The following CACNA2D2 variants were observed in gnomAD, a reference collection of about 807,000 sequenced individuals.
CACNA2D2 encodes the protein voltage-dependent calcium channel subunit alpha-2/delta-2.
Under a neutral mutation model 166.4 loss-of-function variants are expected in CACNA2D2, and 48 were observed. The ratio of observed to expected loss-of-function variants is 0.29; its 90% CI spans 0.23 to 0.37. The LOEUF (loss-of-function observed/expected upper bound fraction) is 0.37. Ranked by LOEUF, CACNA2D2 falls within the 10% of genes least tolerant of loss-of-function variation. The pLI is 1.00. For synonymous variants in CACNA2D2, 561 were observed against 573.7 expected, an observed-to-expected ratio of 0.98 and a Z score of 0.32; for missense variants, 1,122 against 1,433.0, an observed-to-expected ratio of 0.78 and a Z score of 3.50.
Position 50,365,932 on chromosome 3 carries a change from A to G in CACNA2D2, c.2863-70T>C, listed in dbSNP as rs1241439759. ...CCTAGGTCACCCCCAGCTTTATCAA[A>G]TGTCAGAGGTAGGGGGTCATCTGTG... is the stretch of plus-strand genomic sequence containing the variant. On this transcript the variant is annotated intron_variant, in intron 32 of 37. Coordinates refer to ENST00000424201, the MANE Select transcript of CACNA2D2 (RefSeq NM_006030.4). This position sits in a 1 kb window ranked among gnomAD's most constrained non-coding sequence, Gnocchi z 4.5. 1.2e-6 allele frequency: 2 copies of G among 1,611,840 alleles called. No individual in the cohort carries two copies. Among genetic ancestry groups the G allele is most frequent in the South Asian group, 1.1e-5 (1 of 91,026 alleles).
intron 2 of CACNA2D2, among the ~76,000 whole-genome samples, chr3:50,453,980 G>A (rs1017818304): frequency 2.6e-5 from 4 of 152,128 alleles, no homozygotes; most frequent in Admixed American, 6.5e-5. Flanking sequence ...CCCGCCTCAC[G>A]GAGCCCCATC....
At chr3:50,438,201 T>C (rs1471477415) in intron 2 of CACNA2D2, among the ~76,000 whole-genome samples, 1 of 152,172 alleles carries the variant, frequency 6.6e-6, no homozygotes, top group Non-Finnish European at 1.5e-5. Context: ...AGCCCCTTGT[T>C]CCCAGGAATT....
intron 4 of CACNA2D2, among the ~76,000 whole-genome samples, chr3:50,388,222 C>A (rs1195915828): frequency 6.6e-6 from 1 of 152,222 alleles, no homozygotes; most frequent in Non-Finnish European, 1.5e-5. Context: ...TCTTGGCCAT[C>A]TGTGCGTCAT....
At chr3:50,440,643 G>A (rs1708545287) in intron 2 of CACNA2D2, among the ~76,000 whole-genome samples, 2 of 152,236 alleles carry the variant, frequency 1.3e-5, no homozygotes, top group South Asian at 4.1e-4. Context: ...CAGTGTGGGA[G>A]CAGAGAGGAG....
At chr3:50,420,899 G>C (rs1328164651) in intron 3 of CACNA2D2, among the ~76,000 whole-genome samples, 1 of 152,206 alleles carries the variant, frequency 6.6e-6, no homozygotes. Context: ...AGGCCACTTA[G>C]TATCTCATTA....
At chr3:50,392,663 C>T (rs113512159) in intron 4 of CACNA2D2, among the ~76,000 whole-genome samples, 39 of 152,220 alleles carry the variant, frequency 2.6e-4, no homozygotes, top group Non-Finnish European at 4.1e-4. Context: ...ATGCCATCAG[C>T]GGCTTGGCAC....
chr3:50,424,516 A>T (rs1575665698), intron 3 of CACNA2D2, among the ~76,000 whole-genome samples: 1 of 151,994 alleles, frequency 6.6e-6, no homozygotes, highest in Admixed American at 6.5e-5. Context: ...GCCTAGCTAA[A>T]TCCTCCCTCC....
Position 50,427,717 on chromosome 3 carries a change from C to T in CACNA2D2, c.405+6596G>A, listed in dbSNP as rs1278238703. On this transcript the variant is annotated intron_variant, in intron 3 of 37. Transcript: ENST00000424201. The surrounding 1 kb of genome is among the most constrained non-coding windows in gnomAD (Gnocchi z 4.7). ...AGCTTCCCTAGTGTGGAGTCAGATC[C>T]CAGAGGCTGAGCCCCAGCCACAACC... Among the ~76,000 whole-genome samples, 1 of 152,224 alleles carries T rather than the reference C, an allele frequency of 6.6e-6. No homozygotes were observed. The highest frequency in any genetic ancestry group is 1.5e-5 in the Non-Finnish European group (1 of 68,050).
In CACNA2D2 at chr3:50,375,893, G is replaced by A. The variant is rs1181570227; in HGVS notation, c.1774-13C>T. ...TGCTCCGACGGATCTGGAAGGGCCA[G>A]AGATGTGAGGGGCAGGGCCCCTACA... On this transcript the variant is annotated splice_polypyrimidine_tract_variant and intron_variant, in intron 19 of 37. Coordinates refer to ENST00000424201, the MANE Select transcript of CACNA2D2 (RefSeq NM_006030.4). This position sits in a 1 kb window ranked among gnomAD's most constrained non-coding sequence, Gnocchi z 4.0. 1 of 1,612,910 alleles carries A rather than the reference G, an allele frequency of 6.2e-7. No homozygotes were observed. The highest frequency in any genetic ancestry group is 8.5e-7 in the Non-Finnish European group (1 of 1,179,932).
At chr3:50,426,181 G>C (rs1356324392) in intron 3 of CACNA2D2, among the ~76,000 whole-genome samples, 1 of 152,240 alleles carries the variant, frequency 6.6e-6, no homozygotes, top group Non-Finnish European at 1.5e-5. Context: ...CCCAGGCAGT[G>C]ACCAGGGTTG....
chr3:50,441,622 A>G (rs1708604571), intron 2 of CACNA2D2, among the ~76,000 whole-genome samples: 1 of 152,264 alleles, frequency 6.6e-6, no homozygotes, highest in African/African-American at 2.4e-5. Context: ...CCCACCAGAG[A>G]CACTGGGCAT....
At chr3:50,403,130 C>G (rs1251813474) in intron 3 of CACNA2D2, among the ~76,000 whole-genome samples, 2 of 152,232 alleles carry the variant, frequency 1.3e-5, no homozygotes, top group Non-Finnish European at 2.9e-5. Flanking sequence ...GCCCTCACCT[C>G]TCTGTACCTT....
Position 50,462,429 on chromosome 3 carries a change from T to TG in CACNA2D2, c.288+13688_288+13689insC, listed in dbSNP as rs1388755650. Among the ~76,000 whole-genome samples, 529 of 147,584 alleles carry TG rather than the reference T, an allele frequency of 3.6e-3. 6 individuals are homozygous for TG. The East Asian group carries it at 0.041, about 11-fold the overall frequency. On this transcript the variant is annotated intron_variant, in intron 2 of 37. Coordinates refer to ENST00000424201, the MANE Select transcript of CACNA2D2 (RefSeq NM_006030.4). ...ATAATAATAATAATAATAATAATAATAATGATAATAATAATAAAACTAACA... is the reference window on the plus strand; with the variant it reads ...ATAATAATAATAATAATAATAATAATGAATGATAATAATAATAAAACTAACA...
chr3:50,404,174 AGAG>A (rs989641154), intron 3 of CACNA2D2, among the ~76,000 whole-genome samples: 1 of 152,312 alleles, frequency 6.6e-6, no homozygotes, highest in Non-Finnish European at 1.5e-5. Flanking sequence ...TACTGATGAC[AGAG>A]AATAGGGATC....
chr3:50,384,324 C>A lies in CACNA2D2; in HGVS notation c.524G>T (p.Ser175Ile). The change falls in exon 6 of 38, where the codon AGT becomes ATT. Residue 175 changes from serine to isoleucine, a missense_variant. Coordinates refer to ENST00000424201, the MANE Select transcript of CACNA2D2 (RefSeq NM_006030.4). Reference protein sequence around the residue: ...KADAELDDPESEDVERGSKAS... With the variant: ...KADAELDDPEIEDVERGSKAS... Reference sequence around the variant, plus strand: ...CTTAGACCCCCTTTCCACATCCTCACTCTCAGGGTCGTCCTGCAGAAAGGG... The same window carrying A: ...CTTAGACCCCCTTTCCACATCCTCAATCTCAGGGTCGTCCTGCAGAAAGGG... 1 of 1,613,564 alleles carries A rather than the reference C, an allele frequency of 6.2e-7. No individual in the cohort carries two copies. The highest frequency in any genetic ancestry group is 2.2e-5 in the East Asian group (1 of 44,882).
chr3:50,494,128 G>A (rs1274998413), intron 1 of CACNA2D2, among the ~76,000 whole-genome samples: 2 of 152,160 alleles, frequency 1.3e-5, no homozygotes, highest in Non-Finnish European at 2.9e-5. Context: ...GACTCCCAGG[G>A]CCCTAACACA....
intron 3 of CACNA2D2, among the ~76,000 whole-genome samples, chr3:50,396,316 C>T (rs116501501): frequency 7.0e-4 from 107 of 152,308 alleles, no homozygotes; most frequent in African/African-American, 2.5e-3. Flanking sequence ...TGCATCCTCT[C>T]ATCCTCATCA....
At chr3:50,487,832 A>G (rs1310492168) in intron 1 of CACNA2D2, among the ~76,000 whole-genome samples, 1 of 151,932 alleles carries the variant, frequency 6.6e-6, no homozygotes, top group Non-Finnish European at 1.5e-5. Context: ...TAGCTCGCTC[A>G]CTCCCCACCT....
At chr3:50,448,802 G>A (rs1708977235) in intron 2 of CACNA2D2, among the ~76,000 whole-genome samples, 1 of 152,060 alleles carries the variant, frequency 6.6e-6, no homozygotes, top group Non-Finnish European at 1.5e-5. Context: ...CACATCCCTA[G>A]AGCCAGGCCA....
Sources: gnomAD v4.1 joint callset for allele counts (sites outside exome capture counted in the v4.1 genomes callset) on GRCh38, gnomAD v4.1.1 for gene constraint, Gnocchi (gnomAD v3.1) non-coding constraint, MANE v1.5 for transcripts, NCBI Gene and HGNC (gene_info 2026-07-23, HGNC 2026-07-21) for gene names.